Variants in POGZ observed in about 807,000 individuals in gnomAD.
POGZ encodes the protein pogo transposable element with ZNF domain.
A neutral mutation model predicts 134.6 loss-of-function variants in POGZ; 17 were observed. The ratio of observed to expected loss-of-function variants is 0.13; its 90% confidence interval spans 0.09 to 0.19. The LOEUF (loss-of-function observed/expected upper bound fraction) is 0.19. Ranked by LOEUF, POGZ falls within the 10% of genes least tolerant of loss-of-function variation. POGZ has a pLI of 1.00. For missense variants in POGZ, 1,306 were observed against 1,769.7 expected, an observed-to-expected ratio of 0.74 and a Z score of 4.70; for synonymous variants, 693 against 657.1, an observed-to-expected ratio of 1.05 and a Z score of -0.84.
chr1:151,445,613 TTA>T (rs202023346), intron 1 of POGZ, among the ~76,000 whole-genome samples: 16 of 65,682 alleles, frequency 2.4e-4, no homozygotes, highest in Non-Finnish European at 5.8e-4. Context: ...TCATTTTTTT[TTA>T]AACAACATAG....
chr1:151,459,364 CGAGGGGGGCGGGGGGGCCCCGAGG>C lies in POGZ; in HGVS notation c.-238_-215del, dbSNP rs1199798469. On this transcript the variant is annotated 5_prime_UTR_variant, in exon 1 of 19. Coordinates refer to ENST00000271715, the MANE Select transcript of POGZ (RefSeq NM_015100.4). ...AGTGATTCGGGGTGGATTTTTTTCC[CGAGGGGGGCGGGGGGGCCCCGAGG>C]GAGGGGGGTGGGGGGGCCAAGGAAT... The C allele has an allele frequency of 1.2e-4, 10 of 82,464 alleles. No individual in the cohort carries two copies. In the Admixed American group the frequency reaches 1.5e-3, roughly 12 times the overall value. The allele number at this position is 82,464 out of a possible 1,614,324, so 5.1% of individuals were successfully genotyped here.
In POGZ at chr1:151,430,813, T is replaced by C; in HGVS notation, c.312A>G (p.Gly104=). The C allele has an allele frequency of 6.3e-7, 1 of 1,581,668 alleles. No homozygotes were observed. Residue 104 remains glycine (G), a synonymous_variant, in exon 4 of 19, where the codon GGA becomes GGG. Coordinates refer to ENST00000271715, the MANE Select transcript of POGZ (RefSeq NM_015100.4). ...NAGNPLVQQG[G]QPLILTQNPA... Reference sequence around the variant, plus strand: ...GATTCTGGGTCAGGATGAGTGGCTGTCCACCTTGCTGGACCAAAGGATTGC... The same window carrying C: ...GATTCTGGGTCAGGATGAGTGGCTGCCCACCTTGCTGGACCAAAGGATTGC...
rs192588276 is a variant in POGZ at position 151,405,711 on chromosome 1, T to C, written c.3324A>G (p.Val1108=). The change falls in exon 19 of 19, where the codon GTA becomes GTG. Residue 1108 remains valine, a synonymous_variant. Transcript: ENST00000271715. This position sits in a 1 kb window ranked among gnomAD's most constrained non-coding sequence, Gnocchi z 4.9. ...AENAGLFIDF[V]QRQIHNQDLP... The stretch of plus-strand genomic sequence containing the variant: ...AGTCCTGGTTGTGAATCTGCCGTTG[T>C]ACAAAATCAATGAAGAGTCCTGCAT... 3 of 1,614,196 alleles carry C rather than the reference T, an allele frequency of 1.9e-6. No individual in the cohort carries two copies. Among genetic ancestry groups the C allele is most frequent in the African/African-American group, 2.7e-5 (2 of 75,056 alleles).
intron 1 of POGZ, among the ~76,000 whole-genome samples, chr1:151,443,895 T>C (rs563761690): frequency 2.0e-5 from 3 of 152,284 alleles, no homozygotes; most frequent in Admixed American, 2.0e-4. Flanking sequence ...AGGCTCTAAG[T>C]GTCCTTAGTG....
chr1:151,442,357 C>G (rs1660665965), intron 1 of POGZ, 152 bp from the exon 2 acceptor site: 1 of 508,960 alleles, frequency 2.0e-6, no homozygotes, highest in Non-Finnish European at 3.4e-6. Flanking sequence ...TCCAAGGGTT[C>G]AGAATTACAA....
intron 10 of POGZ, among the ~76,000 whole-genome samples, chr1:151,417,367 T>C (rs1270543188): frequency 7.4e-5 from 11 of 148,334 alleles, no homozygotes; most frequent in Admixed American, 1.3e-4. Flanking sequence ...CGGCCCTCTT[T>C]TTTTTTTTTT....
intron 1 of POGZ, among the ~76,000 whole-genome samples, chr1:151,447,642 A>ATTTTT (rs35308281): frequency 1.9e-5 from 1 of 52,936 alleles, no homozygotes; most frequent in Non-Finnish European, 3.8e-5. Flanking sequence ...TGTCTGGCTA[A>ATTTTT]TTTTTTTTTT....
At chr1:151,437,082 TA>T (rs2102342368) in intron 3 of POGZ, among the ~76,000 whole-genome samples, 1 of 152,106 alleles carries the variant, frequency 6.6e-6, no homozygotes, top group East Asian at 1.9e-4. Context: ...CAGTCCCAGC[TA>T]CTTGGGAGAC....
chr1:151,417,688 C>CCACACA lies in POGZ; in HGVS notation c.1679-5298_1679-5293dup, dbSNP rs59753677. 6.2e-3 allele frequency among the ~76,000 whole-genome samples: 854 copies of CCACACA among 137,540 alleles called. 2 individuals carry two copies. Among genetic ancestry groups the CCACACA allele is most frequent in the East Asian group, 0.013 (64 of 4,804 alleles). The allele number at this position is 137,540 out of a possible 152,430, so 90.2% of individuals were successfully genotyped here. On this transcript the variant is annotated intron_variant, in intron 10 of 18. Coordinates refer to ENST00000271715, the MANE Select transcript of POGZ (RefSeq NM_015100.4). Reference sequence around the variant, plus strand: ...TTAGATCTTAACAAAGGTACTGTGGCCACACACACACACACACACACACAC... The same window carrying CCACACA: ...TTAGATCTTAACAAAGGTACTGTGGCCACACACACACACACACACACACACACACAC...
chr1:151,409,549 C>A (rs1387886851), intron 12 of POGZ, among the ~76,000 whole-genome samples: 1 of 152,186 alleles, frequency 6.6e-6, no homozygotes, highest in Non-Finnish European at 1.5e-5. Flanking sequence ...GTTGCCCAGG[C>A]TGGTCTTCAA....
rs1304973993 is a variant in POGZ at position 151,402,860 on chromosome 1, T to C, written c.*1942A>G. On this transcript the variant is annotated 3_prime_UTR_variant, in exon 19 of 19. Transcript: ENST00000271715. Reference sequence around the variant, plus strand: ...CCTGGCCAAAACCCAGCTGATCCACTGTTGGTATAATCTTAAAAAAAATTA... The same window carrying C: ...CCTGGCCAAAACCCAGCTGATCCACCGTTGGTATAATCTTAAAAAAAATTA... 6.6e-6 allele frequency: 1 copy of C among 152,602 alleles called. No homozygotes were observed. The highest frequency in any genetic ancestry group is 1.5e-5 in the Non-Finnish European group (1 of 68,036). The allele number at this position is 152,602 out of a possible 1,614,324, so 9.5% of individuals were successfully genotyped here. A position where few individuals can be genotyped will look rare whatever the true frequency, so the allele number is the denominator to read the frequency against.
chr1:151,424,310 T>C, intron 8 of POGZ, 24 bp from the exon 9 acceptor site: 2 of 1,425,910 alleles, frequency 1.4e-6, no homozygotes, highest in South Asian at 1.3e-5. Flanking sequence ...CATCTGATCA[T>C]TCTGGTTATC....
At chr1:151,426,118 C>A (rs1301052032) in intron 7 of POGZ, 2 of 151,608 alleles carry the variant, frequency 1.3e-5, no homozygotes, top group African/African-American at 4.8e-5. Flanking sequence ...CACTGAGCAC[C>A]TTTTCATGAG....
intron 3 of POGZ, among the ~76,000 whole-genome samples, chr1:151,436,022 T>C (rs1186196404): frequency 1.3e-5 from 2 of 150,370 alleles, no homozygotes; most frequent in Admixed American, 6.7e-5. Flanking sequence ...AGTGGCGTGA[T>C]CTCGGCTCAC....
chr1:151,432,808 C>T (rs1435783931), intron 3 of POGZ, among the ~76,000 whole-genome samples: 1 of 152,130 alleles, frequency 6.6e-6, no homozygotes. Context: ...CAACATAACT[C>T]CTGAACATTA....
At chr1:151,440,698 G>C (rs1405897571) in intron 3 of POGZ, 3 of 334,034 alleles carry the variant, frequency 9.0e-6, no homozygotes. Flanking sequence ...TCAATAGCAA[G>C]AATCTACTGC....
intron 9 of POGZ, 105 bp from the exon 10 acceptor site, chr1:151,423,656 T>G: frequency 1.2e-6 from 1 of 839,808 alleles, no homozygotes; most frequent in Non-Finnish European, 1.8e-6. Flanking sequence ...CTCCCCTCCA[T>G]TCCCCAGACT....
chr1:151,457,655 G>C (rs369005172), intron 1 of POGZ, among the ~76,000 whole-genome samples: 1 of 152,158 alleles, frequency 6.6e-6, no homozygotes, highest in Admixed American at 6.5e-5. Flanking sequence ...GGCCGGGCGC[G>C]GTGGCTGACG....
At position 151,428,248 on chromosome 1, in the gene POGZ, T is replaced by G. The variant is rs779757813; in HGVS notation, c.734A>C (p.Gln245Pro). Residue 245 changes from glutamine (Q) to proline (P), a missense_variant, in exon 6 of 19, where the codon CAG becomes CCG. Physicochemically the swap from Gln to Pro is moderately conservative, Grantham distance 76 (BLOSUM62 -1). Transcript: ENST00000271715. ...GGGAGTGGACTTGGTCTGCTGGGAC[T>G]GGGACTGTGGGACGGTGCTTCGAAT... ...LTIRSTVPQS[Q>P]SQQTKSTPST... 6.2e-6 allele frequency: 10 copies of G among 1,614,120 alleles called. No homozygotes were observed. The highest frequency in any genetic ancestry group is 8.5e-6 in the Non-Finnish European group (10 of 1,179,980).
Sources: allele counts gnomAD v4.1 joint callset (sites outside exome capture counted in the v4.1 genomes callset), GRCh38; gene constraint gnomAD v4.1.1; non-coding constraint Gnocchi (gnomAD v3.1); transcripts MANE v1.5; gene names NCBI Gene and HGNC (gene_info 2026-07-23, HGNC 2026-07-21).